The following RAB3GAP1 variants were observed in gnomAD, a reference collection of about 807,000 sequenced individuals.
The protein encoded by RAB3GAP1 is rab3 GTPase-activating protein catalytic subunit.
A neutral mutation model predicts 130.7 loss-of-function variants in RAB3GAP1; 86 were observed. The ratio of observed to expected loss-of-function variants is 0.66; its 90% CI spans 0.55 to 0.79. The LOEUF is 0.79. RAB3GAP1 is among the 30% of genes least tolerant of loss of function. The pLI is 0.00. For synonymous variants in RAB3GAP1, 367 were observed against 401.7 expected (o/e 0.91, Z 1.03); for missense variants, 1,029 against 1,169.4 (o/e 0.88, Z 1.75).
intron 3 of RAB3GAP1, among the ~76,000 whole-genome samples, chr2:135,060,516 T>C (rs1689139177): frequency 6.6e-6 from 1 of 151,898 alleles, no homozygotes; most frequent in Non-Finnish European, 1.5e-5. Flanking sequence ...CGCCTCGGCC[T>C]CCCAAAGTGC....
In RAB3GAP1 at chr2:135,126,170, A is replaced by G. The variant is rs769323485; in HGVS notation, c.831-11A>G. The G allele has an allele frequency of 1.9e-6, 3 of 1,600,418 alleles. No individual in the cohort carries two copies. The highest frequency in any genetic ancestry group is 1.3e-5 in the African/African-American group (1 of 74,686). ...GTATTAAAGCTTTTGGGTATATTTT[A>G]TGTTTTTTAGTGAACTCCATTTAGC... On this transcript the variant is annotated splice_polypyrimidine_tract_variant and intron_variant, in intron 9 of 23. Coordinates refer to ENST00000264158, the MANE Select transcript of RAB3GAP1 (RefSeq NM_012233.3).
At chr2:135,160,706 A>G (rs1242142812) in intron 19 of RAB3GAP1, among the ~76,000 whole-genome samples, 2 of 150,384 alleles carry the variant, frequency 1.3e-5, no homozygotes, top group East Asian at 3.9e-4. Context: ...AAAAAGACAC[A>G]TATGGGATCA....
chr2:135,072,351 A>G (rs1329716848), intron 3 of RAB3GAP1, among the ~76,000 whole-genome samples: 2 of 152,242 alleles, frequency 1.3e-5, no homozygotes, highest in African/African-American at 4.8e-5. Context: ...CGTTTGCAGT[A>G]TCATTTGTAG....
At chr2:135,084,458 T>G (rs1364738297) in intron 3 of RAB3GAP1, among the ~76,000 whole-genome samples, 4 of 152,218 alleles carry the variant, frequency 2.6e-5, no homozygotes, top group Non-Finnish European at 4.4e-5. Flanking sequence ...CTGCAAACGA[T>G]TTTTAGTTAA....
At chr2:135,170,798 G>A (rs1692829077), downstream of RAB3GAP1, 1 of 152,200 alleles carries the variant, frequency 6.6e-6, no homozygotes, top group Non-Finnish European at 1.5e-5. Context: ...CAGAAGCTGA[G>A]TAGGCACTGG....
At chr2:135,166,889 G>A (rs1209999714) in intron 23 of RAB3GAP1, among the ~76,000 whole-genome samples, 2 of 152,094 alleles carry the variant, frequency 1.3e-5, no homozygotes, top group Non-Finnish European at 2.9e-5. Context: ...AATGGCTACT[G>A]AAATTGTACA....
At chr2:135,059,969 C>T (rs1558756703) in intron 3 of RAB3GAP1, among the ~76,000 whole-genome samples, 1 of 152,090 alleles carries the variant, frequency 6.6e-6, no homozygotes, top group Non-Finnish European at 1.5e-5. Context: ...AAGATTTTAA[C>T]TTATATGAAG....
intron 3 of RAB3GAP1, among the ~76,000 whole-genome samples, chr2:135,081,378 GTGTA>G (rs1672359897): frequency 8.7e-6 from 1 of 114,384 alleles, no homozygotes; most frequent in African/African-American, 3.6e-5. Flanking sequence ...ACGTGTGTGT[GTGTA>G]TATATATATG....
chr2:135,139,877 G>C (rs186307243), intron 17 of RAB3GAP1, among the ~76,000 whole-genome samples: 1 of 152,226 alleles, frequency 6.6e-6, no homozygotes, highest in African/African-American at 2.4e-5. Flanking sequence ...TTCCCCTCCA[G>C]CAACTCTTTC....
intron 3 of RAB3GAP1, among the ~76,000 whole-genome samples, chr2:135,071,514 AC>A (rs1347439519): frequency 2.0e-5 from 3 of 150,922 alleles, no homozygotes; most frequent in Admixed American, 6.6e-5. Context: ...AAAATAATTT[AC>A]CAAGACAGTC....
intron 3 of RAB3GAP1, among the ~76,000 whole-genome samples, chr2:135,083,985 C>T (rs557365912): frequency 3.0e-4 from 45 of 152,108 alleles, no homozygotes; most frequent in African/African-American, 8.9e-4. Context: ...TGGCTCATGT[C>T]TGTAATCCCA....
intron 5 of RAB3GAP1, among the ~76,000 whole-genome samples, chr2:135,105,851 C>G (rs1690589694): frequency 6.6e-6 from 1 of 151,796 alleles, no homozygotes. Context: ...GCCGCCCCGT[C>G]TGGGATGTGA....
intron 17 of RAB3GAP1, among the ~76,000 whole-genome samples, chr2:135,141,012 CT>C (rs1034147154): frequency 1.3e-5 from 2 of 151,952 alleles, no homozygotes; most frequent in Admixed American, 6.6e-5. Context: ...GAGGTAGGAT[CT>C]TGTGGTTTTA....
chr2:135,170,722 G>A (rs2305247), downstream of RAB3GAP1: 8 of 152,212 alleles, frequency 5.3e-5, no homozygotes, highest in African/African-American at 1.9e-4. Flanking sequence ...TGTTGTAGGA[G>A]TTTCTTCACC....
At chr2:135,070,122 A>G (rs753501705) in intron 3 of RAB3GAP1, among the ~76,000 whole-genome samples, 12 of 152,230 alleles carry the variant, frequency 7.9e-5, no homozygotes, top group Admixed American at 2.0e-4. Flanking sequence ...TTATCTCTGT[A>G]AACCAATGAG....
At chr2:135,078,666 TCCC>T (rs1689696769) in intron 3 of RAB3GAP1, among the ~76,000 whole-genome samples, 1 of 5,844 alleles carries the variant, frequency 1.7e-4, no homozygotes, top group Non-Finnish European at 2.7e-4. Context: ...TCCCCTCCCC[TCCC>T]CTCCCCTCCC....
At chr2:135,149,038 G>A (rs932134028) in intron 17 of RAB3GAP1, among the ~76,000 whole-genome samples, 1 of 152,092 alleles carries the variant, frequency 6.6e-6, no homozygotes, top group African/African-American at 2.4e-5. Context: ...AAAATGTATG[G>A]CCCACATGCA....
At position 135,146,788 on chromosome 2, in the gene RAB3GAP1, G is replaced by T. The variant is rs1268795448; in HGVS notation, c.1924-3581G>T. Among the ~76,000 whole-genome samples, 7 of 152,032 alleles carry T rather than the reference G, an allele frequency of 4.6e-5. No homozygotes were observed. The East Asian group carries it at 7.7e-4, about 17-fold the overall frequency. On this transcript the variant is annotated intron_variant, in intron 17 of 23. Transcript: ENST00000264158. ...AGCATAATTATCTTGAGATTCACAC[G>T]TATTGTATGTATCAATAGTTCATGC... is the stretch of plus-strand genomic sequence containing the variant.
At chr2:135,061,328 G>A (rs1211535432) in intron 3 of RAB3GAP1, among the ~76,000 whole-genome samples, 2 of 152,126 alleles carry the variant, frequency 1.3e-5, no homozygotes, top group African/African-American at 4.8e-5. Context: ...CTGGGTAATA[G>A]GATAGGTGCA....
Sources: gnomAD v4.1 joint callset for allele counts (sites outside exome capture counted in the v4.1 genomes callset) on GRCh38, gnomAD v4.1.1 for gene constraint, MANE v1.5 for transcripts, NCBI Gene and HGNC (gene_info 2026-07-23, HGNC 2026-07-21) for gene names.